Variants in NUP214 observed in about 807,000 individuals in gnomAD.
NUP214 encodes the protein nuclear pore complex protein Nup214.
In NUP214, 79 loss-of-function variants were observed where a neutral mutation model predicts 196.2. That is an observed-to-expected ratio of 0.40 (90% confidence interval 0.34 to 0.49). NUP214 has a LOEUF of 0.49. NUP214 is among the 20% of genes least tolerant of loss of function. The pLI, the probability that NUP214 is intolerant of heterozygous loss-of-function variation, is 0.58. For missense variants in NUP214, 2,468 were observed against 2,539.0 expected (o/e 0.97, Z 0.60); for synonymous variants, 1,020 against 990.5 (o/e 1.03, Z -0.56).
At chr9:131,192,339 TC>T in intron 27 of NUP214, 47 bp downstream of exon 27, 1 of 1,097,686 alleles carries the variant, frequency 9.1e-7, no homozygotes, top group African/African-American at 1.6e-5. Context: ...GCAATTAGCT[TC>T]CCCAAATCTT....
Position 131,130,778 on chromosome 9 carries a change from C to G in NUP214, c.605C>G (p.Pro202Arg). 1 of 1,613,940 alleles carries G rather than the reference C, an allele frequency of 6.2e-7. No homozygotes were observed. Among genetic ancestry groups the G allele is most frequent in the East Asian group, 2.2e-5 (1 of 44,876 alleles). ...TVAVTSVCWSPKGKQLAVGKQ... is the reference protein window; with the variant it reads ...TVAVTSVCWSRKGKQLAVGKQ... ...TGTCTTTGCTCAGTGTGCTGGAGCCCCAAAGGAAAGCAGCTGGCAGTGGGA... is the reference window on the plus strand; with the variant it reads ...TGTCTTTGCTCAGTGTGCTGGAGCCGCAAAGGAAAGCAGCTGGCAGTGGGA... The change falls in exon 5 of 36, where the codon CCC (proline) becomes CGC (arginine). Residue 202 changes from proline to arginine, a missense_variant. Pro to Arg is a moderately radical substitution (Grantham distance 103, BLOSUM62 -2). Around this residue, in one of 5 missense-constraint regions of NUP214, gnomAD observed 392 missense variants for 417.9 expected, o/e 0.94. Transcript: ENST00000359428.
intron 21 of NUP214, among the ~76,000 whole-genome samples, chr9:131,171,297 A>G (rs527616594): frequency 1.3e-5 from 2 of 152,234 alleles, no homozygotes; most frequent in Non-Finnish European, 2.9e-5. Flanking sequence ...TTCATGTTAC[A>G]TAGGACCTTG....
At position 131,199,501 on chromosome 9, in the gene NUP214, C is replaced by T. The variant is rs190199410; in HGVS notation, c.5521+486C>T. Among the ~76,000 whole-genome samples the T allele has an allele frequency of 1.7e-4, 26 of 152,338 alleles. No homozygotes were observed. The East Asian group carries it at 5.0e-3, about 29-fold the overall frequency. On this transcript the variant is annotated intron_variant, in intron 29 of 35. Transcript: ENST00000359428. ...TGTTTTCTGTCTCCTCTGACACCAT[C>T]TTTCTTACTGTAATGGCAGTCACTG...
chr9:131,177,803 C>T (rs1833158256), intron 23 of NUP214, among the ~76,000 whole-genome samples: 1 of 152,102 alleles, frequency 6.6e-6, no homozygotes, highest in South Asian at 2.1e-4. Flanking sequence ...GCTCCATTTT[C>T]CACATTTTAT....
At chr9:131,169,117 C>T (rs998882615) in intron 21 of NUP214, among the ~76,000 whole-genome samples, 6 of 146,746 alleles carry the variant, frequency 4.1e-5, no homozygotes, top group African/African-American at 1.3e-4. Context: ...ACTGCAACCT[C>T]TGCCTCCTGG....
intron 17 of NUP214, chr9:131,153,153 C>G (rs1198904022): frequency 2.0e-5 from 3 of 152,094 alleles, no homozygotes; most frequent in Admixed American, 6.6e-5. Context: ...TGTCACTGGC[C>G]TTAGTGTGGG....
In NUP214 at chr9:131,175,992, A is replaced by C. The variant is rs1252983548; in HGVS notation, c.3319+371A>C. ...CTAGCGTCATCTCTTAGTATCTTAC[A>C]GATTGCAGCTACCCCAAGAGGTAGG... On this transcript the variant is annotated intron_variant, in intron 23 of 35. Coordinates refer to ENST00000359428, the MANE Select transcript of NUP214 (RefSeq NM_005085.4). Among the ~76,000 whole-genome samples, 3 of 152,056 alleles carry C rather than the reference A, an allele frequency of 2.0e-5. No homozygotes were observed. The East Asian group carries it at 5.8e-4, about 29-fold the overall frequency.
chr9:131,130,794 G>A lies in NUP214; in HGVS notation c.621G>A (p.Leu207=), dbSNP rs2133448801. 1.9e-6 allele frequency: 3 copies of A among 1,614,138 alleles called. No homozygotes were observed. Among genetic ancestry groups the A allele is most frequent in the African/African-American group, 1.3e-5 (1 of 75,034 alleles). Residue 207 remains leucine (L), a synonymous_variant, in exon 5 of 36, where the codon CTG becomes CTA. Coordinates refer to ENST00000359428, the MANE Select transcript of NUP214 (RefSeq NM_005085.4). The part of the protein sequence containing the change: ...SVCWSPKGKQ[L]AVGKQNGTVV... ...GCTGGAGCCCCAAAGGAAAGCAGCT[G>A]GCAGTGGGAAAACAGAATGGAACTG...
In NUP214 at chr9:131,196,025, T is replaced by TCCGTCCCCCCCCCCCCCCCCCCCC. The variant is rs1554737948; in HGVS notation, c.3721+733_3721+734insGTCCCCCCCCCCCCCCCCCCCCCC. ...GGCAACAAGAGTGAAACTCTGTGTG[T>TCCGTCCCCCCCCCCCCCCCCCCCC]CCCCCCCCCCCCCCGCGCCAAAAAA... On this transcript the variant is annotated intron_variant, in intron 28 of 35. Coordinates refer to ENST00000359428, the MANE Select transcript of NUP214 (RefSeq NM_005085.4). Among the ~76,000 whole-genome samples the TCCGTCCCCCCCCCCCCCCCCCCCC allele has an allele frequency of 1.1e-3, 4 of 3,666 alleles. 2 individuals carry two copies. Among genetic ancestry groups the TCCGTCCCCCCCCCCCCCCCCCCCC allele is most frequent in the Non-Finnish European group, 2.5e-3 (4 of 1,586 alleles). The allele number at this position is 3,666 out of a possible 152,430, so 2.4% of individuals were successfully genotyped here.
rs929986827 is a variant in NUP214 at position 131,146,043 on chromosome 9, A to G, written c.1770-86A>G. 5 of 1,216,382 alleles carry G rather than the reference A, an allele frequency of 4.1e-6. No homozygotes were observed. The highest frequency in any genetic ancestry group is 1.5e-5 in the African/African-American group (1 of 66,202). The allele number at this position is 1,216,382 out of a possible 1,614,324, so 75.3% of individuals were successfully genotyped here. A position where few individuals can be genotyped will look rare whatever the true frequency, so the allele number is the denominator to read the frequency against. ...TTGTAAGTTAACATAAAAGATAATA[A>G]GTTATCTTTTGATGACATTGCTCAT... On this transcript the variant is annotated intron_variant, in intron 12 of 35. Coordinates refer to ENST00000359428, the MANE Select transcript of NUP214 (RefSeq NM_005085.4). The surrounding 1 kb of genome is among the most constrained non-coding windows in gnomAD (Gnocchi z 4.6).
chr9:131,212,849 TA>T (rs1213496512), intron 30 of NUP214, among the ~76,000 whole-genome samples: 1 of 152,316 alleles, frequency 6.6e-6, no homozygotes, highest in East Asian at 1.9e-4. Flanking sequence ...TGCTCCACTG[TA>T]ATAAAGGATG....
Position 131,195,126 on chromosome 9 carries a change from A to G in NUP214, c.3660-107A>G, listed in dbSNP as rs1588159164. 11 of 771,392 alleles carry G rather than the reference A, an allele frequency of 1.4e-5. No homozygotes were observed. In the East Asian group the frequency reaches 2.5e-4, roughly 18 times the overall value. 47.8% of individuals were successfully genotyped at this position (771,392 alleles called of 1,614,324 possible). A position where few individuals can be genotyped will look rare whatever the true frequency, so the allele number is the denominator to read the frequency against. ...TGTTGTCATTTATCTTCTAGATTGT[A>G]AATTCCTGAGGGCGGTTTGTATGAA... is the stretch of plus-strand genomic sequence containing the variant. On this transcript the variant is annotated intron_variant, in intron 27 of 35. Coordinates refer to ENST00000359428, the MANE Select transcript of NUP214 (RefSeq NM_005085.4).
At position 131,210,191 on chromosome 9, in the gene NUP214, T is replaced by C. The variant is rs567530979; in HGVS notation, c.5593-5021T>C. 1.1e-4 allele frequency among the ~76,000 whole-genome samples: 17 copies of C among 152,340 alleles called. No homozygotes were observed. In the South Asian group the frequency reaches 2.7e-3, roughly 24 times the overall value. On this transcript the variant is annotated intron_variant, in intron 30 of 35. Coordinates refer to ENST00000359428, the MANE Select transcript of NUP214 (RefSeq NM_005085.4). ...AGAGTGACACCCACAATTAAATTTT[T>C]AAAATCAGCAAAAACCAACCTATAG...
At position 131,144,483 on chromosome 9, in the gene NUP214, C is replaced by T; in HGVS notation, c.1498C>T (p.Pro500Ser). ...KSSATVTGEP[P>S]SYSSGSDSSK... ...ATCTGCTACGGTCACTGGGGAGCCCCCTTCATATTCCAGTGGCTCCGACAG... is the reference window on the plus strand; with the variant it reads ...ATCTGCTACGGTCACTGGGGAGCCCTCTTCATATTCCAGTGGCTCCGACAG... Residue 500 changes from proline to serine, a missense_variant, in exon 12 of 36, where the codon CCT (proline) becomes TCT (serine). By Grantham distance (74) the Pro-to-Ser change is moderately conservative (BLOSUM62 -1). Transcript: ENST00000359428. 2 of 1,614,172 alleles carry T rather than the reference C, an allele frequency of 1.2e-6. No individual in the cohort carries two copies. The highest frequency in any genetic ancestry group is 1.7e-6 in the Non-Finnish European group (2 of 1,180,040).
At chr9:131,179,257 C>T (rs1833200003) in intron 24 of NUP214, among the ~76,000 whole-genome samples, 1 of 152,176 alleles carries the variant, frequency 6.6e-6, no homozygotes, top group Non-Finnish European at 1.5e-5. Flanking sequence ...TCACCTCATC[C>T]TCACAAAGTG....
rs1035258352 is a variant in NUP214 at position 131,147,544 on chromosome 9, C to G, written c.2000C>G (p.Pro667Arg). ...GTGCCCTCAATGGTACAGAAATCAC[C>G]CAGGATAACCCCTCCAGCGGCAAAG... is the stretch of plus-strand genomic sequence containing the variant. ...SPVPSMVQKS[P>R]RITPPAAKPG... Residue 667 changes from proline to arginine, a missense_variant, in exon 14 of 36, where the codon CCC becomes CGC. Coordinates refer to ENST00000359428, the MANE Select transcript of NUP214 (RefSeq NM_005085.4). The G allele has an allele frequency of 6.2e-7, 1 of 1,614,024 alleles. No homozygotes were observed. The highest frequency in any genetic ancestry group is 8.5e-7 in the Non-Finnish European group (1 of 1,179,964).
At chr9:131,200,918 A>G (rs1302718408) in intron 29 of NUP214, among the ~76,000 whole-genome samples, 1 of 151,762 alleles carries the variant, frequency 6.6e-6, no homozygotes, top group Non-Finnish European at 1.5e-5. Context: ...AAATATTCAT[A>G]ATATTAAGTC....
intron 4 of NUP214, among the ~76,000 whole-genome samples, chr9:131,130,137 G>GTTTTTTTTGTTTTT (rs1554728067): frequency 1.3e-5 from 1 of 76,894 alleles, no homozygotes; most frequent in Non-Finnish European, 2.3e-5. Context: ...TTCTGGTTTT[G>GTTTTTTTTGTTTTT]TTTTTTTTTT....
chr9:131,187,150 T>A (rs192216436), intron 24 of NUP214, 139 bp from the exon 25 acceptor site: 1 of 634,506 alleles, frequency 1.6e-6, no homozygotes, highest in African/African-American at 1.9e-5. Flanking sequence ...AAATGTCAAA[T>A]CAGTTGTATT....
Sources: gnomAD v4.1 joint callset for allele counts (sites outside exome capture counted in the v4.1 genomes callset) on GRCh38, gnomAD v4.1.1 for gene constraint, gnomAD v4.1.1 regional missense constraint, Gnocchi (gnomAD v3.1) non-coding constraint, MANE v1.5 for transcripts, NCBI Gene and HGNC (gene_info 2026-07-23, HGNC 2026-07-21) for gene names.